TMEM117: variants seen among roughly 807,000 people sequenced by gnomAD.
The protein encoded by TMEM117 is transmembrane protein 117.
In TMEM117, 27 loss-of-function variants were observed where a neutral mutation model predicts 52.4. The ratio of observed to expected loss-of-function variants is 0.51; its 90% CI spans 0.38 to 0.71. The LOEUF (loss-of-function observed/expected upper bound fraction) is 0.71, where lower values mean the gene tolerates loss of function less well. Among genes scored for constraint, TMEM117 ranks in the 30% least tolerant of loss-of-function variants. TMEM117 has a pLI of 0.00. For synonymous variants in TMEM117, 215 were observed against 206.3 expected (o/e 1.04, Z -0.36); for missense variants, 556 against 630.5 (o/e 0.88, Z 1.26).
At chr12:43,891,819 C>T (rs1231877727) in intron 2 of TMEM117, among the ~76,000 whole-genome samples, 2 of 152,174 alleles carry the variant, frequency 1.3e-5, no homozygotes, top group African/African-American at 4.8e-5. Flanking sequence ...TGCACTTACT[C>T]TCAGCTTCCT....
intron 5 of TMEM117, among the ~76,000 whole-genome samples, chr12:44,253,865 C>T (rs1592642683): frequency 6.6e-6 from 1 of 151,844 alleles, no homozygotes; most frequent in East Asian, 1.9e-4. Flanking sequence ...CACACACACA[C>T]ACACACACAC....
At chr12:44,216,005 C>CTTTTTTTTTTTTTT (rs778425747) in intron 5 of TMEM117, among the ~76,000 whole-genome samples, 12 of 110,830 alleles carry the variant, frequency 1.1e-4, no homozygotes, top group African/African-American at 3.1e-4. Context: ...TTCTTTCTTT[C>CTTTTTTTTTTTTTT]TTTTTTTTTT....
the TMEM117 span, chr12:43,805,967 G>A: frequency 1.3e-6 from 2 of 1,547,486 alleles, no homozygotes; most frequent in Non-Finnish European, 1.7e-6. Flanking sequence ...CGCCTCGAAA[G>A]CCAATTTCCT....
chr12:43,928,214 T>C (rs183368955), intron 2 of TMEM117, among the ~76,000 whole-genome samples: 4 of 152,156 alleles, frequency 2.6e-5, no homozygotes, highest in African/African-American at 9.6e-5. Context: ...AACCTCTTCT[T>C]ACTTCCATGC....
chr12:44,317,961 G>A (rs950715738), intron 6 of TMEM117, among the ~76,000 whole-genome samples: 9 of 152,208 alleles, frequency 5.9e-5, no homozygotes, highest in African/African-American at 2.2e-4. Flanking sequence ...CACCTAATGC[G>A]TGGCCACCTA....
intron 3 of TMEM117, among the ~76,000 whole-genome samples, chr12:44,050,303 A>G (rs1408924241): frequency 6.6e-6 from 1 of 152,154 alleles, no homozygotes; most frequent in Non-Finnish European, 1.5e-5. Flanking sequence ...CAGCCTCCCA[A>G]GTAGCTGGGA....
intron 5 of TMEM117, among the ~76,000 whole-genome samples, chr12:44,223,206 C>G (rs2138430399): frequency 6.6e-6 from 1 of 152,132 alleles, no homozygotes; most frequent in East Asian, 1.9e-4. Flanking sequence ...TTCCTACCCT[C>G]CACCCTGCAA....
chr12:44,121,027 G>T (rs1439665305), intron 3 of TMEM117, among the ~76,000 whole-genome samples: 1 of 152,216 alleles, frequency 6.6e-6, no homozygotes, highest in Non-Finnish European at 1.5e-5. Context: ...AATCATGGTG[G>T]AAGGTGAGAG....
chr12:44,348,517 G>A (rs78386816), intron 6 of TMEM117, among the ~76,000 whole-genome samples: 230 of 152,028 alleles, frequency 1.5e-3, no homozygotes, highest in African/African-American at 5.3e-3. Flanking sequence ...CTGATAATAC[G>A]TTCTTAGTGC....
chr12:44,323,768 C>T (rs73276261), intron 6 of TMEM117, among the ~76,000 whole-genome samples: 3,785 of 152,190 alleles, frequency 0.025, 101 homozygotes, highest in African/African-American at 0.063. Context: ...TACATTACTA[C>T]GGTGTGTCCC....
At chr12:44,025,036 G>T (rs1197099120) in intron 3 of TMEM117, among the ~76,000 whole-genome samples, 1 of 152,098 alleles carries the variant, frequency 6.6e-6, no homozygotes. Flanking sequence ...TACATAATAG[G>T]ACTCACTGTA....
At chr12:44,026,500 C>T (rs1182926940) in intron 3 of TMEM117, among the ~76,000 whole-genome samples, 1 of 152,160 alleles carries the variant, frequency 6.6e-6, no homozygotes. Flanking sequence ...CAGTGGTTCC[C>T]ATTAAAACCT....
rs750375045 is a variant in TMEM117, at chr12:43,893,243, G to A, written c.277+48315G>A. ...TTTTTAATTGATTATATTAGTTGCTGTGTCAAAAACGAACTGTAAGAGAAC... is the reference window on the plus strand; with the variant it reads ...TTTTTAATTGATTATATTAGTTGCTATGTCAAAAACGAACTGTAAGAGAAC... On this transcript the variant is annotated intron_variant, in intron 2 of 7. Coordinates refer to ENST00000266534, the MANE Select transcript of TMEM117 (RefSeq NM_032256.3). Among the ~76,000 whole-genome samples, 12 of 152,184 alleles carry A rather than the reference G, an allele frequency of 7.9e-5. No individual in the cohort carries two copies. In the South Asian group the frequency reaches 8.3e-4, roughly 10 times the overall value.
At chr12:44,010,779 A>G (rs531153634) in intron 3 of TMEM117, among the ~76,000 whole-genome samples, 2 of 152,108 alleles carry the variant, frequency 1.3e-5, no homozygotes, top group Non-Finnish European at 2.9e-5. Flanking sequence ...ATAATAAGAT[A>G]CTCCTAATTC....
At chr12:44,337,200 G>A (rs1026679497) in intron 6 of TMEM117, among the ~76,000 whole-genome samples, 1 of 151,940 alleles carries the variant, frequency 6.6e-6, no homozygotes, top group Non-Finnish European at 1.5e-5. Flanking sequence ...CACAGTCTTG[G>A]TATCCAGTGA....
chr12:44,305,895 C>G (rs963410384), intron 6 of TMEM117, among the ~76,000 whole-genome samples: 1 of 151,938 alleles, frequency 6.6e-6, no homozygotes, highest in African/African-American at 2.4e-5. Context: ...AACAGTGGAT[C>G]AGATAAAGAA....
intron 2 of TMEM117, among the ~76,000 whole-genome samples, chr12:43,908,488 A>C (rs1944433041): frequency 9.3e-6 from 1 of 107,898 alleles, no homozygotes; most frequent in African/African-American, 2.7e-5. Flanking sequence ...TCAGATTCAC[A>C]CATAACAATA....
At chr12:43,908,656 A>G (rs1342073043) in intron 2 of TMEM117, among the ~76,000 whole-genome samples, 1 of 152,134 alleles carries the variant, frequency 6.6e-6, no homozygotes, top group South Asian at 2.1e-4. Context: ...AGGAAGATCT[A>G]CCAAGCAAAT....
At position 44,163,540 on chromosome 12, in the gene TMEM117, A is replaced by G. The variant is rs138875897; in HGVS notation, c.510+19916A>G. Among the ~76,000 whole-genome samples, 21 of 152,352 alleles carry G rather than the reference A, an allele frequency of 1.4e-4. No homozygotes were observed. In the East Asian group the frequency reaches 3.9e-3, roughly 28 times the overall value. On this transcript the variant is annotated intron_variant, in intron 4 of 7. Transcript: ENST00000266534. Reference sequence around the variant, plus strand: ...CTAAGCATACTTTGCCTTAGAAGCAATAGGTAAGTGTGTGACACTTTGGAA... The same window carrying G: ...CTAAGCATACTTTGCCTTAGAAGCAGTAGGTAAGTGTGTGACACTTTGGAA...
Sources: allele counts gnomAD v4.1 joint callset (sites outside exome capture counted in the v4.1 genomes callset), GRCh38; gene constraint gnomAD v4.1.1; transcripts MANE v1.5; gene names NCBI Gene and HGNC (gene_info 2026-07-23, HGNC 2026-07-21).